EDIL3: variants seen among roughly 807,000 people sequenced by gnomAD.
The protein encoded by EDIL3 is EGF like and discoidin domains 3.
EDIL3 carries 37 observed loss-of-function variants against 67.4 expected under a neutral mutation model. That is an observed-to-expected ratio of 0.55 (90% CI 0.42 to 0.72). The LOEUF (loss-of-function observed/expected upper bound fraction) is 0.72. EDIL3 is among the 30% of genes least tolerant of loss of function. The pLI, the probability that EDIL3 is intolerant of heterozygous loss-of-function variation, is 0.00. For synonymous variants in EDIL3, 195 were observed against 196.3 expected, an observed-to-expected ratio of 0.99 and a Z score of 0.05; for missense variants, 527 against 586.3, an observed-to-expected ratio of 0.90 and a Z score of 1.04.
intron 5 of EDIL3, among the ~76,000 whole-genome samples, chr5:84,108,387 A>T (rs983873373): frequency 2.3e-4 from 35 of 152,126 alleles, no homozygotes; most frequent in African/African-American, 7.2e-4. Context: ...CATTGACAAA[A>T]AATTACTTGG....
chr5:84,114,756 T>C (rs1747634926), intron 5 of EDIL3, among the ~76,000 whole-genome samples: 1 of 152,200 alleles, frequency 6.6e-6, no homozygotes, highest in South Asian at 2.1e-4. Flanking sequence ...CTTAGATAAA[T>C]GCTAATTTTT....
intron 2 of EDIL3, among the ~76,000 whole-genome samples, chr5:84,252,658 T>G (rs1745047795): frequency 6.6e-6 from 1 of 152,048 alleles, no homozygotes; most frequent in African/African-American, 2.4e-5. Flanking sequence ...TTGTTGGGCT[T>G]AAAATACAAC....
chr5:84,330,309 G>A (rs1311975515), intron 1 of EDIL3, among the ~76,000 whole-genome samples: 1 of 152,134 alleles, frequency 6.6e-6, no homozygotes, highest in East Asian at 1.9e-4. Flanking sequence ...AGTACATCCT[G>A]CTTTCATTTA....
chr5:84,201,988 G>C (rs560982636), intron 3 of EDIL3, among the ~76,000 whole-genome samples: 1 of 152,030 alleles, frequency 6.6e-6, no homozygotes, highest in Non-Finnish European at 1.5e-5. Context: ...TTTTAGAAAA[G>C]GGAAGGTCAA....
chr5:84,113,612 G>A (rs899362995), intron 5 of EDIL3, among the ~76,000 whole-genome samples: 2 of 152,150 alleles, frequency 1.3e-5, no homozygotes, highest in Admixed American at 1.3e-4. Flanking sequence ...GGCAAAGAAT[G>A]GCTTCTGCAT....
intron 3 of EDIL3, among the ~76,000 whole-genome samples, chr5:84,188,152 C>G (rs953121729): frequency 3.3e-5 from 5 of 152,012 alleles, no homozygotes; most frequent in Admixed American, 1.3e-4. Context: ...ATACGTCTGT[C>G]TATAAGAAGG....
chr5:84,228,883 C>A (rs1744503223), intron 3 of EDIL3, among the ~76,000 whole-genome samples: 1 of 152,008 alleles, frequency 6.6e-6, no homozygotes, highest in Non-Finnish European at 1.5e-5. Context: ...AACTGGGCTA[C>A]TTTCCCTCCT....
chr5:84,225,162 C>A (rs908804011), intron 3 of EDIL3, among the ~76,000 whole-genome samples: 8 of 151,502 alleles, frequency 5.3e-5, no homozygotes, highest in Admixed American at 3.3e-4. Context: ...GCTAATACAT[C>A]CTACCAGAAC....
chr5:84,251,966 T>C (rs527457014), intron 2 of EDIL3, among the ~76,000 whole-genome samples: 1 of 152,276 alleles, frequency 6.6e-6, no homozygotes, highest in Admixed American at 6.5e-5. Context: ...TAATACAGTA[T>C]AACTATCCAA....
At chr5:84,067,533 A>T (rs1746666287) in intron 6 of EDIL3, among the ~76,000 whole-genome samples, 1 of 152,116 alleles carries the variant, frequency 6.6e-6, no homozygotes, top group South Asian at 2.1e-4. Flanking sequence ...CCAAAAATAT[A>T]AATTGGAAAA....
chr5:84,384,159 G>C (rs1459514752), intron 1 of EDIL3, 149 bp downstream of exon 1: 2 of 926,458 alleles, frequency 2.2e-6, no homozygotes, highest in African/African-American at 1.7e-5. Context: ...CTTTCTCGGG[G>C]CACCCAGGAC....
chr5:84,070,163 A>G, intron 6 of EDIL3, among the ~76,000 whole-genome samples: 1 of 152,034 alleles, frequency 6.6e-6, no homozygotes, highest in Admixed American at 6.5e-5. Context: ...CCACTCAACA[A>G]AACCTTGCAC....
chr5:84,384,653 T>G lies in EDIL3; in HGVS notation c.-279A>C. Reference sequence around the variant, plus strand: ...GGCTCAGCCCTCCGCTGCGGGTGGGTCCCGGCAGAGGCGCGGCGGGCGGGG... The same window carrying G: ...GGCTCAGCCCTCCGCTGCGGGTGGGGCCCGGCAGAGGCGCGGCGGGCGGGG... On this transcript the variant is annotated 5_prime_UTR_variant, in exon 1 of 11. Transcript: ENST00000296591. 1 of 229,962 alleles carries G rather than the reference T, an allele frequency of 4.3e-6. No individual in the cohort carries two copies. The highest frequency in any genetic ancestry group is 8.4e-6 in the Non-Finnish European group (1 of 119,218). The allele number at this position is 229,962 out of a possible 1,614,324, so 14.2% of individuals were successfully genotyped here.
At chr5:84,038,005 T>G (rs938528083) in intron 9 of EDIL3, among the ~76,000 whole-genome samples, 1 of 123,372 alleles carries the variant, frequency 8.1e-6, no homozygotes, top group African/African-American at 2.9e-5. Flanking sequence ...TTTTTTTTTT[T>G]TTTTTTGAGA....
At chr5:84,236,395 A>C (rs1200383371) in intron 2 of EDIL3, among the ~76,000 whole-genome samples, 2 of 152,038 alleles carry the variant, frequency 1.3e-5, no homozygotes, top group Non-Finnish European at 2.9e-5. Context: ...GGGGACTTAC[A>C]ATTCAATATT....
intron 1 of EDIL3, among the ~76,000 whole-genome samples, chr5:84,257,507 A>G (rs1745142544): frequency 6.6e-6 from 1 of 152,208 alleles, no homozygotes; most frequent in Non-Finnish European, 1.5e-5. Flanking sequence ...TTTGAGAAAC[A>G]TGTACAAGGT....
In EDIL3 at chr5:84,352,511, G is replaced by A. The variant is rs115619757; in HGVS notation, c.67+31797C>T. 4.0e-3 allele frequency among the ~76,000 whole-genome samples: 610 copies of A among 152,168 alleles called. 4 individuals carry two copies. The highest frequency in any genetic ancestry group is 9.7e-3 in the African/African-American group (403 of 41,508). On this transcript the variant is annotated intron_variant, in intron 1 of 10. Transcript: ENST00000296591. ...CTTTGCAGCAACATGGATGGAGCTC[G>A]GGGCCATTATCCTTAGTGAAATGAC...
chr5:84,212,996 C>CT (rs1312476491), intron 3 of EDIL3, among the ~76,000 whole-genome samples: 4 of 131,886 alleles, frequency 3.0e-5, no homozygotes, highest in African/African-American at 1.3e-4. Context: ...ACAGAGAAGA[C>CT]TAAAAAAAAA....
chr5:84,319,358 G>T (rs1231455555), intron 1 of EDIL3, among the ~76,000 whole-genome samples: 1 of 111,342 alleles, frequency 9.0e-6, no homozygotes, highest in East Asian at 2.1e-4. Context: ...CAGCTACTCG[G>T]GAGGCTGAGG....
Sources: allele counts gnomAD v4.1 joint callset (sites outside exome capture counted in the v4.1 genomes callset), GRCh38; gene constraint gnomAD v4.1.1; transcripts MANE v1.5; gene names NCBI Gene and HGNC (gene_info 2026-07-23, HGNC 2026-07-21).